The following PATJ variants were observed in gnomAD, a reference collection of about 807,000 sequenced individuals.
The protein encoded by PATJ is PATJ crumbs cell polarity complex component.
Under a neutral mutation model 224.9 loss-of-function variants are expected in PATJ, and 190 were observed. That is an observed-to-expected ratio of 0.84 (90% CI 0.75 to 0.95). PATJ has a LOEUF of 0.95. Among genes scored for constraint, PATJ ranks in the 40% least tolerant of loss-of-function variants. The pLI, the probability that PATJ is intolerant of heterozygous loss-of-function variation, is 0.00. For synonymous variants in PATJ, 769 were observed against 820.3 expected (o/e 0.94, Z 1.07); for missense variants, 2,121 against 2,270.3 (o/e 0.93, Z 1.34).
chr1:62,120,077 T>A (rs1664876872), intron 37 of PATJ, among the ~76,000 whole-genome samples: 1 of 152,196 alleles, frequency 6.6e-6, no homozygotes, highest in South Asian at 2.1e-4. Flanking sequence ...TTAAATCATA[T>A]CCTTTAAGGA....
chr1:62,054,411 G>T, intron 31 of PATJ: 1 of 393,334 alleles, frequency 2.5e-6, no homozygotes, highest in South Asian at 2.1e-5. Flanking sequence ...CGTGGCCTAT[G>T]CATACTCCAG....
At chr1:61,885,434 C>A (rs1259072542) in intron 22 of PATJ, among the ~76,000 whole-genome samples, 1 of 152,170 alleles carries the variant, frequency 6.6e-6, no homozygotes, top group African/African-American at 2.4e-5. Context: ...AAATGCTCAT[C>A]ATCACTGGCC....
chr1:61,947,665 A>T (rs1245918157), intron 27 of PATJ, among the ~76,000 whole-genome samples: 3 of 152,246 alleles, frequency 2.0e-5, no homozygotes, highest in Non-Finnish European at 4.4e-5. Flanking sequence ...ATTGAATGCC[A>T]TCCCCATGAG....
At chr1:61,746,746 A>G (rs1645043814) in intron 1 of PATJ, among the ~76,000 whole-genome samples, 1 of 125,526 alleles carries the variant, frequency 8.0e-6, no homozygotes, top group Admixed American at 8.1e-5. Flanking sequence ...TAAAGCTAAC[A>G]TATTCATTGT....
intron 28 of PATJ, among the ~76,000 whole-genome samples, chr1:62,007,633 G>A (rs1404727046): frequency 6.6e-6 from 1 of 152,230 alleles, no homozygotes; most frequent in African/African-American, 2.4e-5. Flanking sequence ...AATTGTCCCA[G>A]TCAGCTTGGG....
chr1:61,777,703 C>CTTTTTTTTTTTTTTTTTTTT (rs66470863), intron 7 of PATJ, among the ~76,000 whole-genome samples: 38 of 48,738 alleles, frequency 7.8e-4, no homozygotes, highest in South Asian at 2.0e-3. Context: ...TTCTTTCTTT[C>CTTTTTTTTTTTTTTTTTTTT]TTTTTTTTTT....
chr1:61,879,330 C>T (rs1667771146), intron 21 of PATJ, among the ~76,000 whole-genome samples: 1 of 152,094 alleles, frequency 6.6e-6, no homozygotes, highest in Non-Finnish European at 1.5e-5. Flanking sequence ...GATGAATTCA[C>T]ACATTCCAGG....
chr1:61,925,373 A>T (rs1021583065), intron 26 of PATJ, among the ~76,000 whole-genome samples: 1 of 152,236 alleles, frequency 6.6e-6, no homozygotes, highest in Non-Finnish European at 1.5e-5. Context: ...TCTCATCCCA[A>T]CAAATAACTC....
At chr1:62,102,576 G>A (rs182278610) in intron 33 of PATJ, among the ~76,000 whole-genome samples, 133 of 152,066 alleles carry the variant, frequency 8.7e-4, no homozygotes, top group African/African-American at 3.0e-3. Flanking sequence ...TGGGCCAGGC[G>A]TGGTGGTGGC....
chr1:61,938,532 T>C (rs1285712722), intron 27 of PATJ, among the ~76,000 whole-genome samples: 11 of 151,982 alleles, frequency 7.2e-5, no homozygotes, highest in Admixed American at 3.9e-4. Flanking sequence ...GTATCTAAAA[T>C]AAAAGTTGAA....
chr1:62,075,842 C>T (rs1192574621), intron 31 of PATJ, among the ~76,000 whole-genome samples: 2 of 151,082 alleles, frequency 1.3e-5, no homozygotes, highest in South Asian at 2.1e-4. Flanking sequence ...GATGTGAACC[C>T]GAGAGGCAGA....
chr1:61,765,923 C>T (rs1471280030), intron 3 of PATJ, among the ~76,000 whole-genome samples: 1 of 152,118 alleles, frequency 6.6e-6, no homozygotes, highest in Non-Finnish European at 1.5e-5. Flanking sequence ...TGTTGCTCCC[C>T]ACGTGGAATT....
chr1:61,822,973 G>T lies in PATJ; in HGVS notation c.1712G>T (p.Gly571Val). 1 of 1,614,124 alleles carries T rather than the reference G, an allele frequency of 6.2e-7. No homozygotes were observed. Among genetic ancestry groups the T allele is most frequent in the Non-Finnish European group, 8.5e-7 (1 of 1,180,014 alleles). The change falls in exon 15 of 44, where the codon GGT becomes GTT. Residue 571 changes from glycine to valine, a missense_variant. Transcript: ENST00000642238. ...KLLPIHTLRL[G>V]VEVDSFDGHH... ...CTGCCTATTCACACTCTGAGGCTTG[G>T]TGTGGAAGTGGATTCCTTTGATGGG...
intron 28 of PATJ, among the ~76,000 whole-genome samples, chr1:62,000,495 A>G (rs1342620065): frequency 2.6e-5 from 4 of 151,408 alleles, no homozygotes; most frequent in Non-Finnish European, 4.4e-5. Flanking sequence ...ATGAGTTCCA[A>G]TTTCATCCAT....
At chr1:61,995,590 C>T (rs972224799) in intron 28 of PATJ, among the ~76,000 whole-genome samples, 1 of 152,156 alleles carries the variant, frequency 6.6e-6, no homozygotes, top group African/African-American at 2.4e-5. Flanking sequence ...AGTGGAAGAG[C>T]ATTCAGCAAA....
intron 27 of PATJ, among the ~76,000 whole-genome samples, chr1:61,987,957 A>G (rs1458363156): frequency 3.3e-5 from 5 of 152,146 alleles, no homozygotes. Flanking sequence ...CCAGCACTAT[A>G]AGAGGCCAAG....
chr1:62,131,402 C>A (rs1395544834), intron 41 of PATJ, among the ~76,000 whole-genome samples: 1 of 152,146 alleles, frequency 6.6e-6, no homozygotes, highest in Admixed American at 6.6e-5. Flanking sequence ...AGAAAAAAGT[C>A]TCTCTCCCTT....
intron 32 of PATJ, among the ~76,000 whole-genome samples, chr1:62,082,268 T>A (rs1485531374): frequency 2.0e-5 from 3 of 152,204 alleles, no homozygotes; most frequent in African/African-American, 7.2e-5. Flanking sequence ...TCCATATGGA[T>A]GGGAACAAGA....
chr1:62,037,322 C>G (rs1414820023), intron 29 of PATJ, among the ~76,000 whole-genome samples: 7 of 152,064 alleles, frequency 4.6e-5, no homozygotes, highest in Non-Finnish European at 1.5e-5. Context: ...AAAATAGGTC[C>G]AGATAATCAG....
Sources: gnomAD v4.1 joint callset for allele counts (sites outside exome capture counted in the v4.1 genomes callset) on GRCh38, gnomAD v4.1.1 for gene constraint, MANE v1.5 for transcripts, NCBI Gene and HGNC (gene_info 2026-07-23, HGNC 2026-07-21) for gene names.